Variants in FER observed in about 807,000 individuals in gnomAD.
FER encodes the protein tyrosine-protein kinase Fer.
A neutral mutation model predicts 111.0 loss-of-function variants in FER; 63 were observed. The ratio of observed to expected loss-of-function variants is 0.57; its 90% CI spans 0.46 to 0.70. The LOEUF (loss-of-function observed/expected upper bound fraction) is 0.70, where lower values mean the gene tolerates loss of function less well. Ranked by LOEUF, FER falls within the 30% of genes least tolerant of loss-of-function variation. FER has a pLI of 0.00. For synonymous variants in FER, 327 were observed against 313.9 expected, an observed-to-expected ratio of 1.04 and a Z score of -0.44; for missense variants, 914 against 954.0, an observed-to-expected ratio of 0.96 and a Z score of 0.55.
chr5:109,020,884 T>C (rs1414426874), intron 13 of FER, among the ~76,000 whole-genome samples: 1 of 152,072 alleles, frequency 6.6e-6, no homozygotes, highest in Non-Finnish European at 1.5e-5. Flanking sequence ...TGAAATTTTC[T>C]AAATGGTCCT....
At chr5:108,900,308 T>G (rs185744615) in intron 10 of FER, among the ~76,000 whole-genome samples, 1 of 152,248 alleles carries the variant, frequency 6.6e-6, no homozygotes, top group Non-Finnish European at 1.5e-5. Flanking sequence ...GTGAAATCTT[T>G]GTGTAATTCA....
At chr5:108,915,333 C>A (rs556897366) in intron 10 of FER, among the ~76,000 whole-genome samples, 115 of 152,046 alleles carry the variant, frequency 7.6e-4, no homozygotes, top group African/African-American at 2.5e-3. Context: ...ATTAGCCAGG[C>A]GTGGTGGTGT....
At chr5:108,790,298 A>AT (rs920031978) in intron 2 of FER, among the ~76,000 whole-genome samples, 8 of 148,616 alleles carry the variant, frequency 5.4e-5, no homozygotes, top group African/African-American at 1.7e-4. Context: ...TACATATGTG[A>AT]TTTTTTTTCT....
chr5:109,020,160 G>C (rs1767737121), intron 13 of FER, among the ~76,000 whole-genome samples: 1 of 150,994 alleles, frequency 6.6e-6, no homozygotes, highest in Admixed American at 6.6e-5. Context: ...TTCTTAAATT[G>C]CTTAAAGGTA....
intron 5 of FER, among the ~76,000 whole-genome samples, chr5:108,867,091 T>C (rs1394958401): frequency 2.0e-5 from 3 of 152,130 alleles, no homozygotes; most frequent in African/African-American, 7.2e-5. Context: ...CTTATCTCTA[T>C]GTAACTTTGT....
intron 6 of FER, 89 bp downstream of exon 6, chr5:108,868,039 T>TTTA (rs1174871043): frequency 8.0e-7 from 1 of 1,254,634 alleles, no homozygotes; most frequent in Non-Finnish European, 1.1e-6. Flanking sequence ...CTTCATAAGT[T>TTTA]TTATTATTAA....
intron 3 of FER, among the ~76,000 whole-genome samples, chr5:108,815,762 T>A (rs1758207033): frequency 6.6e-6 from 1 of 152,160 alleles, no homozygotes; most frequent in Non-Finnish European, 1.5e-5. Flanking sequence ...TAAAAAGTAA[T>A]GAAAAATGCT....
intron 2 of FER, among the ~76,000 whole-genome samples, chr5:108,788,095 CT>C (rs1360076212): frequency 6.6e-6 from 1 of 152,228 alleles, no homozygotes; most frequent in East Asian, 1.9e-4. Context: ...TGAGCCAGGA[CT>C]GTGACATGCT....
At chr5:109,051,996 G>A in intron 16 of FER, 19 of 1,584,532 alleles carry the variant, frequency 1.2e-5, no homozygotes, top group Non-Finnish European at 1.6e-5. Flanking sequence ...TGATGATGTA[G>A]GTTCGCAGCA....
At chr5:108,896,623 C>T (rs538742688) in intron 9 of FER, among the ~76,000 whole-genome samples, 2 of 152,250 alleles carry the variant, frequency 1.3e-5, no homozygotes, top group South Asian at 4.1e-4. Context: ...TTCTTTATAG[C>T]AGTCACTGAG....
chr5:109,179,151 T>A (rs1436299236), intron 17 of FER, among the ~76,000 whole-genome samples: 5 of 152,098 alleles, frequency 3.3e-5, no homozygotes, highest in African/African-American at 7.2e-5. Flanking sequence ...GTAAAAAACA[T>A]CAGATTTTCA....
chr5:108,836,772 T>G (rs1760707603), intron 5 of FER, among the ~76,000 whole-genome samples: 1 of 152,020 alleles, frequency 6.6e-6, no homozygotes, highest in Non-Finnish European at 1.5e-5. Context: ...AATGCAGTTC[T>G]TTCTCTTCTC....
intron 9 of FER, among the ~76,000 whole-genome samples, chr5:108,890,355 T>A (rs1747840595): frequency 6.6e-6 from 1 of 152,098 alleles, no homozygotes; most frequent in African/African-American, 2.4e-5. Flanking sequence ...CAACATAATT[T>A]TATTTATTAA....
intron 17 of FER, among the ~76,000 whole-genome samples, chr5:109,155,221 T>C (rs1434182097): frequency 6.6e-6 from 1 of 151,966 alleles, no homozygotes; most frequent in Non-Finnish European, 1.5e-5. Flanking sequence ...GTAACTGATA[T>C]GTTACTGCCT....
intron 13 of FER, among the ~76,000 whole-genome samples, chr5:109,015,510 C>A (rs550532326): frequency 6.6e-6 from 1 of 151,824 alleles, no homozygotes; most frequent in African/African-American, 2.4e-5. Flanking sequence ...TGGAGCTATA[C>A]TGGTGACTGA....
chr5:108,954,619 A>C, intron 11 of FER, 110 bp from the exon 12 acceptor site: 5 of 811,200 alleles, frequency 6.2e-6, no homozygotes, highest in Non-Finnish European at 9.1e-6. Context: ...TTAATTGGTC[A>C]ATTAAAGGGA....
At chr5:109,044,201 CAG>C (rs2149901342) in intron 14 of FER, among the ~76,000 whole-genome samples, 1 of 146,504 alleles carries the variant, frequency 6.8e-6, no homozygotes, top group East Asian at 2.0e-4. Context: ...TTTTTGGAGA[CAG>C]AGTCTTGCTC....
intron 10 of FER, among the ~76,000 whole-genome samples, chr5:108,917,101 C>T (rs921624056): frequency 1.3e-5 from 2 of 152,006 alleles, no homozygotes; most frequent in Non-Finnish European, 2.9e-5. Flanking sequence ...TGACAATCCA[C>T]GAGGCTTTCT....
intron 8 of FER, among the ~76,000 whole-genome samples, chr5:108,880,238 G>A (rs577382957): frequency 7.2e-5 from 11 of 152,222 alleles, no homozygotes; most frequent in African/African-American, 2.6e-4. Context: ...TGAGAATAAG[G>A]GAAATGTGCA....
Sources: allele counts gnomAD v4.1 joint callset (sites outside exome capture counted in the v4.1 genomes callset), GRCh38; gene constraint gnomAD v4.1.1; transcripts MANE v1.5; gene names NCBI Gene and HGNC (gene_info 2026-07-23, HGNC 2026-07-21).